DHDDS: variants seen among roughly 807,000 people sequenced by gnomAD.
The protein encoded by DHDDS is dehydrodolichyl diphosphate synthase complex subunit DHDDS.
DHDDS carries 16 observed loss-of-function variants against 46.2 expected under a neutral mutation model. That is an observed-to-expected ratio of 0.35 (90% CI 0.23 to 0.53). The LOEUF is 0.53. DHDDS is among the 20% of genes least tolerant of loss of function. The pLI, the probability that DHDDS is intolerant of heterozygous loss-of-function variation, is 0.94. For missense variants in DHDDS, 340 were observed against 423.7 expected, an observed-to-expected ratio of 0.80 and a Z score of 1.73; for synonymous variants, 151 against 163.1, an observed-to-expected ratio of 0.93 and a Z score of 0.56.
chr1:26,446,499 C>G, intron 5 of DHDDS, 67 bp downstream of exon 5: 8 of 1,474,082 alleles, frequency 5.4e-6, no homozygotes, highest in Non-Finnish European at 6.6e-6. Context: ...TTTAGGGAGA[C>G]GTCCTGGGCT....
At chr1:26,464,220 T>C (rs140036498) in intron 8 of DHDDS, among the ~76,000 whole-genome samples, 16 of 152,044 alleles carry the variant, frequency 1.1e-4, no homozygotes, top group African/African-American at 3.4e-4. Context: ...CTCAAAATCC[T>C]GACCTCAGGT....
At chr1:26,450,155 A>G (rs1302864063) in intron 6 of DHDDS, among the ~76,000 whole-genome samples, 1 of 152,072 alleles carries the variant, frequency 6.6e-6, no homozygotes, top group East Asian at 1.9e-4. Context: ...CTGTCTGTCT[A>G]TCTGTGTATT....
chr1:26,459,166 T>TA (rs1405497978), intron 7 of DHDDS, among the ~76,000 whole-genome samples: 2 of 152,236 alleles, frequency 1.3e-5, no homozygotes, highest in Non-Finnish European at 2.9e-5. Context: ...CAGGCAGCTC[T>TA]AATCTAGCCT....
At chr1:26,450,076 C>T (rs969043907) in intron 6 of DHDDS, among the ~76,000 whole-genome samples, 6 of 152,142 alleles carry the variant, frequency 3.9e-5, no homozygotes, top group Admixed American at 6.5e-5. Context: ...TTATCTCTGT[C>T]GCCAGTATGG....
Position 26,442,881 on chromosome 1 carries a change from G to A in DHDDS, c.323+8G>A. The A allele has an allele frequency of 6.2e-7, 1 of 1,613,968 alleles. No homozygotes were observed. ...CCGCTTGATGGAAGAAAAGTAAGAT[G>A]CTATCAGAGGGGAGAGCATGTTCTT... On this transcript the variant is annotated splice_region_variant and intron_variant, in intron 4 of 8. Transcript: ENST00000236342.
intron 3 of DHDDS, among the ~76,000 whole-genome samples, chr1:26,440,195 TGTCCTAGCACAGGGACACA>T (rs2075204358): frequency 6.6e-6 from 1 of 152,226 alleles, no homozygotes; most frequent in African/African-American, 2.4e-5. Context: ...CAGGTCCCAG[TGTCCTAGCACAGGGACACA>T]GTTTGATGCC....
chr1:26,443,170 A>C (rs2075235679), intron 4 of DHDDS: 1 of 373,126 alleles, frequency 2.7e-6, no homozygotes, highest in Non-Finnish European at 5.0e-6. Context: ...ACTAGGTAGA[A>C]CCTCTGTATT....
intron 6 of DHDDS, among the ~76,000 whole-genome samples, chr1:26,456,087 C>T (rs1045408470): frequency 6.6e-6 from 1 of 152,214 alleles, no homozygotes; most frequent in Non-Finnish European, 1.5e-5. Context: ...TTCTGACCAT[C>T]TCTGTGCTTG....
At chr1:26,445,549 C>T (rs2075260190) in intron 4 of DHDDS, among the ~76,000 whole-genome samples, 1 of 151,896 alleles carries the variant, frequency 6.6e-6, no homozygotes, top group African/African-American at 2.4e-5. Flanking sequence ...CTCATCTTTA[C>T]AAAAAATACA....
At chr1:26,455,576 G>A (rs138039481) in intron 6 of DHDDS, among the ~76,000 whole-genome samples, 226 of 152,114 alleles carry the variant, frequency 1.5e-3, no homozygotes, top group African/African-American at 5.1e-3. Context: ...GTAAAACCCC[G>A]TCTTTACTCA....
At chr1:26,446,171 G>A (rs1443778942) in intron 4 of DHDDS, 145 bp from the exon 5 acceptor site, 3 of 630,314 alleles carry the variant, frequency 4.8e-6, no homozygotes, top group Non-Finnish European at 8.5e-6. Flanking sequence ...GTTGTTGAAG[G>A]GATGCAATGA....
chr1:26,452,171 G>A (rs1465132649), intron 6 of DHDDS, among the ~76,000 whole-genome samples: 1 of 151,932 alleles, frequency 6.6e-6, no homozygotes, highest in Non-Finnish European at 1.5e-5. Flanking sequence ...TCAGCTTCCT[G>A]AGTATCTGGG....
intron 6 of DHDDS, among the ~76,000 whole-genome samples, chr1:26,456,363 C>A (rs1402216162): frequency 6.6e-6 from 1 of 151,802 alleles, no homozygotes; most frequent in Non-Finnish European, 1.5e-5. Context: ...CAGAGGGAGA[C>A]CCTGTCTGGA....
intron 6 of DHDDS, among the ~76,000 whole-genome samples, chr1:26,453,802 T>C (rs2075343820): frequency 6.6e-6 from 1 of 152,004 alleles, no homozygotes; most frequent in Non-Finnish European, 1.5e-5. Flanking sequence ...AAACTGATAT[T>C]TTACCGTTAT....
At chr1:26,439,683 A>G (rs2075198540) in intron 3 of DHDDS, among the ~76,000 whole-genome samples, 1 of 152,200 alleles carries the variant, frequency 6.6e-6, no homozygotes, top group African/African-American at 2.4e-5. Context: ...GGGGTTTCTC[A>G]GGACACAGGT....
intron 6 of DHDDS, among the ~76,000 whole-genome samples, chr1:26,451,460 T>C (rs563309491): frequency 6.8e-6 from 1 of 147,246 alleles, no homozygotes; most frequent in African/African-American, 2.6e-5. Context: ...GTATTTTTGT[T>C]TTTTTGTTTT....
chr1:26,446,198 C>A, intron 4 of DHDDS, 118 bp from the exon 5 acceptor site: 1 of 746,560 alleles, frequency 1.3e-6, no homozygotes, highest in Non-Finnish European at 2.3e-6. Flanking sequence ...GCATGTAGAA[C>A]AGGGTCTGAC....
Position 26,470,331 on chromosome 1 carries a change from T to C in DHDDS, c.*1200T>C, listed in dbSNP as rs1225648039. 1 of 151,138 alleles carries C rather than the reference T, an allele frequency of 6.6e-6. No homozygotes were observed. Among genetic ancestry groups the C allele is most frequent in the African/African-American group, 2.4e-5 (1 of 41,018 alleles). 9.4% of individuals were successfully genotyped at this position (151,138 alleles called of 1,614,324 possible). Reference sequence around the variant, plus strand: ...TTCCTTCTTCTTTTTTTTTTTTTTTTTGGAGACAGCATCTCACCCTGTCCT... The same window carrying C: ...TTCCTTCTTCTTTTTTTTTTTTTTTCTGGAGACAGCATCTCACCCTGTCCT... On this transcript the variant is annotated 3_prime_UTR_variant, in exon 9 of 9. Coordinates refer to ENST00000236342, the MANE Select transcript of DHDDS (RefSeq NM_205861.3).
At chr1:26,443,755 C>G (rs971531276) in intron 4 of DHDDS, among the ~76,000 whole-genome samples, 1 of 152,150 alleles carries the variant, frequency 6.6e-6, no homozygotes, top group African/African-American at 2.4e-5. Flanking sequence ...GACATTGCTC[C>G]CCGGTCCCCA....
Sources: allele counts gnomAD v4.1 joint callset (sites outside exome capture counted in the v4.1 genomes callset), GRCh38; gene constraint gnomAD v4.1.1; transcripts MANE v1.5; gene names NCBI Gene and HGNC (gene_info 2026-07-23, HGNC 2026-07-21).